The following KIAA1217 variants were observed in gnomAD, a reference collection of about 807,000 sequenced individuals.
KIAA1217 encodes sickle tail protein homolog.
Under a neutral mutation model 163.9 loss-of-function variants are expected in KIAA1217, and 88 were observed. The ratio of observed to expected loss-of-function variants is 0.54; its 90% CI spans 0.45 to 0.64. KIAA1217 has a LOEUF of 0.64. Ranked by LOEUF, KIAA1217 falls within the 30% of genes least tolerant of loss-of-function variation. The pLI, the probability that KIAA1217 is intolerant of heterozygous loss-of-function variation, is 0.00. For synonymous variants in KIAA1217, 903 were observed against 923.1 expected, an observed-to-expected ratio of 0.98 and a Z score of 0.39; for missense variants, 2,372 against 2,475.0, an observed-to-expected ratio of 0.96 and a Z score of 0.88.
At chr10:23,730,002 C>A (rs1838386070) in intron 1 of KIAA1217, among the ~76,000 whole-genome samples, 1 of 152,032 alleles carries the variant, frequency 6.6e-6, no homozygotes, top group Non-Finnish European at 1.5e-5. Flanking sequence ...CCCAGGTTCA[C>A]ACCATTGTCC....
intron 5 of KIAA1217, among the ~76,000 whole-genome samples, chr10:24,442,740 C>T (rs960263328): frequency 6.6e-6 from 1 of 151,994 alleles, no homozygotes; most frequent in African/African-American, 2.4e-5. Context: ...CATTGAGTTA[C>T]CAATGATTCT....
intron 1 of KIAA1217, among the ~76,000 whole-genome samples, chr10:23,944,086 T>C (rs1173897465): frequency 6.6e-6 from 1 of 152,186 alleles, no homozygotes; most frequent in African/African-American, 2.4e-5. Context: ...AATTGGACTT[T>C]ACCAAAATTG....
intron 1 of KIAA1217, among the ~76,000 whole-genome samples, chr10:23,841,779 T>A (rs1227813788): frequency 1.3e-5 from 2 of 152,120 alleles, no homozygotes; most frequent in Non-Finnish European, 2.9e-5. Context: ...AAGGGTAGAA[T>A]ACAAAGGGTA....
intron 2 of KIAA1217, among the ~76,000 whole-genome samples, chr10:24,074,395 T>C (rs1210376086): frequency 6.6e-6 from 1 of 152,022 alleles, no homozygotes; most frequent in East Asian, 1.9e-4. Context: ...AAAAAACACC[T>C]AACTTTAAAA....
intron 2 of KIAA1217, among the ~76,000 whole-genome samples, chr10:24,380,295 C>T (rs1564574531): frequency 6.6e-6 from 1 of 151,976 alleles, no homozygotes; most frequent in Non-Finnish European, 1.5e-5. Context: ...GTCCTCAACT[C>T]CCTGTTCAAA....
At chr10:23,790,168 T>TGC (rs1835707920) in intron 1 of KIAA1217, among the ~76,000 whole-genome samples, 1 of 64,360 alleles carries the variant, frequency 1.6e-5, no homozygotes, top group Non-Finnish European at 2.7e-5. Flanking sequence ...TATACACATA[T>TGC]ACACATATGC....
chr10:24,278,153 A>G (rs1461835090), intron 2 of KIAA1217, among the ~76,000 whole-genome samples: 1 of 152,166 alleles, frequency 6.6e-6, no homozygotes, highest in Non-Finnish European at 1.5e-5. Flanking sequence ...GCAGGCCAAA[A>G]CACTGTGGAG....
rs1024146008 is a variant in KIAA1217, at chr10:24,519,153, G to C, written c.2178-970G>C. On this transcript the variant is annotated intron_variant, in intron 10 of 20. Coordinates refer to ENST00000376454, the MANE Select transcript of KIAA1217 (RefSeq NM_019590.5). ...TTCGGACGCTGGCTCCACAATCCGGGCTCCAGGAGGTGGAATCGCTGTTCA... is the reference window on the plus strand; with the variant it reads ...TTCGGACGCTGGCTCCACAATCCGGCCTCCAGGAGGTGGAATCGCTGTTCA... Among the ~76,000 whole-genome samples, 7 of 152,254 alleles carry C rather than the reference G, an allele frequency of 4.6e-5. No individual in the cohort carries two copies. In the East Asian group the frequency reaches 7.7e-4, roughly 17 times the overall value.
At chr10:24,146,833 A>G (rs999670866) in intron 2 of KIAA1217, among the ~76,000 whole-genome samples, 6 of 152,176 alleles carry the variant, frequency 3.9e-5, no homozygotes, top group Non-Finnish European at 8.8e-5. Context: ...AGATGGAGAG[A>G]CAAAGCAGTC....
At chr10:24,515,939 C>T (rs1357173579) in intron 10 of KIAA1217, among the ~76,000 whole-genome samples, 1 of 152,186 alleles carries the variant, frequency 6.6e-6, no homozygotes, top group Non-Finnish European at 1.5e-5. Flanking sequence ...GCTGTGGTGG[C>T]ATGCCTCTGT....
chr10:24,454,900 G>A (rs776816028), intron 5 of KIAA1217, among the ~76,000 whole-genome samples: 1 of 151,220 alleles, frequency 6.6e-6, no homozygotes, highest in East Asian at 1.9e-4. Context: ...AACACAACTC[G>A]CTCACCAGAT....
upstream of KIAA1217, among the ~76,000 whole-genome samples, chr10:24,207,286 A>T (rs1037024944): frequency 2.8e-3 from 335 of 120,558 alleles, no homozygotes; most frequent in South Asian, 0.01. Flanking sequence ...TCTCTCTCAC[A>T]CACACACACA....
chr10:24,437,543 G>A (rs1029009021), intron 4 of KIAA1217, among the ~76,000 whole-genome samples: 1 of 152,220 alleles, frequency 6.6e-6, no homozygotes. Context: ...AGGGATCACA[G>A]TGTAGACAGA....
At chr10:24,051,592 C>T (rs1387682894) in intron 2 of KIAA1217, among the ~76,000 whole-genome samples, 1 of 152,056 alleles carries the variant, frequency 6.6e-6, no homozygotes, top group Non-Finnish European at 1.5e-5. Flanking sequence ...AAAGTTTTCC[C>T]TTTTAACCCC....
intron 2 of KIAA1217, among the ~76,000 whole-genome samples, chr10:24,167,284 C>CGTGTGT (rs35255558): frequency 1.0e-4 from 15 of 148,332 alleles, no homozygotes; most frequent in African/African-American, 2.2e-4. Flanking sequence ...TGTGTATGTG[C>CGTGTGT]GTGTGTGTGT....
chr10:24,315,706 C>G (rs61632727), intron 2 of KIAA1217, among the ~76,000 whole-genome samples: 8,676 of 151,776 alleles, frequency 0.057, 341 homozygotes, highest in East Asian at 0.2. Flanking sequence ...GAGCTGTGAT[C>G]GTGCCACTGC....
intron 1 of KIAA1217, among the ~76,000 whole-genome samples, chr10:23,786,251 A>G (rs1440532526): frequency 1.3e-5 from 2 of 152,154 alleles, no homozygotes; most frequent in East Asian, 3.9e-4. Flanking sequence ...GGCGGTAAGG[A>G]CAGGGAGGAT....
chr10:24,395,265 T>G (rs1051516360), intron 3 of KIAA1217, among the ~76,000 whole-genome samples: 1 of 152,202 alleles, frequency 6.6e-6, no homozygotes, highest in African/African-American at 2.4e-5. Flanking sequence ...TCACCTCATC[T>G]GCCACCTCTT....
chr10:24,294,608 T>C (rs1259329467), intron 2 of KIAA1217, among the ~76,000 whole-genome samples: 1 of 152,226 alleles, frequency 6.6e-6, no homozygotes, highest in Non-Finnish European at 1.5e-5. Flanking sequence ...ATCTGTTTCC[T>C]TAACAGAACA....
Sources: gnomAD v4.1 joint callset for allele counts (sites outside exome capture counted in the v4.1 genomes callset) on GRCh38, gnomAD v4.1.1 for gene constraint, MANE v1.5 for transcripts, NCBI Gene and HGNC (gene_info 2026-07-23, HGNC 2026-07-21) for gene names.